LARGE1: variants seen among roughly 807,000 people sequenced by gnomAD.
The protein encoded by LARGE1 is LARGE xylosyl- and glucuronyltransferase 1, also known as xylosyl- and glucuronyltransferase LARGE1.
A neutral mutation model predicts 87.6 loss-of-function variants in LARGE1; 43 were observed. That is an observed-to-expected ratio of 0.49 (90% CI 0.38 to 0.63). The LOEUF (loss-of-function observed/expected upper bound fraction) is 0.63, where lower values mean the gene tolerates loss of function less well. Among genes scored for constraint, LARGE1 ranks in the 30% least tolerant of loss-of-function variants. LARGE1 has a pLI of 0.00. For synonymous variants in LARGE1, 434 were observed against 394.6 expected (o/e 1.10, Z -1.18); for missense variants, 802 against 1,000.2 (o/e 0.80, Z 2.67).
chr22:33,297,979 CAA>C (rs757656914), intron 12 of LARGE1, among the ~76,000 whole-genome samples: 32 of 48,796 alleles, frequency 6.6e-4, no homozygotes, highest in African/African-American at 1.2e-3. Context: ...GACATCATCT[CAA>C]AAAAAAAAAA....
intron 6 of LARGE1, among the ~76,000 whole-genome samples, chr22:33,442,794 CTTTTT>C (rs559941819): frequency 7.1e-6 from 1 of 140,186 alleles, no homozygotes; most frequent in Admixed American, 7.2e-5. Context: ...ATACTGATAG[CTTTTT>C]TTTTTTTTTT....
intron 9 of LARGE1, among the ~76,000 whole-genome samples, chr22:33,358,724 T>C (rs931865455): frequency 1.3e-5 from 2 of 151,800 alleles, no homozygotes; most frequent in Non-Finnish European, 2.9e-5. Flanking sequence ...CCTGGCCGGG[T>C]GCAGTGGCTC....
At chr22:33,679,930 G>A (rs1469185060) in intron 2 of LARGE1, among the ~76,000 whole-genome samples, 1 of 152,188 alleles carries the variant, frequency 6.6e-6, no homozygotes, top group Non-Finnish European at 1.5e-5. Flanking sequence ...GAAGGAGTAT[G>A]GTTTAGCCAA....
At chr22:33,659,758 A>G (rs2081067296) in intron 2 of LARGE1, among the ~76,000 whole-genome samples, 1 of 147,786 alleles carries the variant, frequency 6.8e-6, no homozygotes, top group African/African-American at 2.7e-5. Flanking sequence ...AAAAAAAAAA[A>G]AAAAAGGAGA....
chr22:33,589,877 T>C (rs756604742), intron 5 of LARGE1, among the ~76,000 whole-genome samples: 1 of 152,130 alleles, frequency 6.6e-6, no homozygotes, highest in Non-Finnish European at 1.5e-5. Context: ...AAGTTTGAAT[T>C]TCCCATTTAA....
intron 6 of LARGE1, among the ~76,000 whole-genome samples, chr22:33,557,644 C>A (rs2077731606): frequency 6.6e-6 from 1 of 152,200 alleles, no homozygotes; most frequent in Admixed American, 6.5e-5. Context: ...TGGCTCACTG[C>A]AACCTCTGCC....
intron 1 of LARGE1, among the ~76,000 whole-genome samples, chr22:33,919,191 A>T (rs759221114): frequency 3.9e-5 from 6 of 152,090 alleles, no homozygotes; most frequent in Non-Finnish European, 8.8e-5. Flanking sequence ...GTTCCCTCCG[A>T]AGTGACCCAT....
chr22:33,601,423 A>T (rs1454657987), intron 5 of LARGE1, among the ~76,000 whole-genome samples: 1 of 152,040 alleles, frequency 6.6e-6, no homozygotes, highest in Non-Finnish European at 1.5e-5. Context: ...GCCACTACAG[A>T]GGGGCTGTCA....
In LARGE1 at chr22:33,639,473, G is replaced by C. The variant is rs190419386; in HGVS notation, c.408+10894C>G. ...AGTGGAGAAGTTGAATATTCATAAT[G>C]AGTATATGTGACACTCATGCATAGT... On this transcript the variant is annotated intron_variant, in intron 3 of 14. Transcript: ENST00000397394. 8.3e-4 allele frequency among the ~76,000 whole-genome samples: 127 copies of C among 152,308 alleles called. 1 individual carries two copies. Among genetic ancestry groups the C allele is most frequent in the Non-Finnish European group, 4.6e-4 (31 of 68,036 alleles).
In LARGE1 at chr22:33,778,648, C is replaced by T. The variant is rs146728001; in HGVS notation, c.-82-17090G>A. 7.9e-3 allele frequency among the ~76,000 whole-genome samples: 1,198 copies of T among 152,154 alleles called. 19 individuals are homozygous for T. Among genetic ancestry groups the T allele is most frequent in the African/African-American group, 0.027 (1,132 of 41,530 alleles). The stretch of plus-strand genomic sequence containing the variant: ...TTATCCATGTTGCAGCACATGTCAG[C>T]GCAGTATCCTTTTTTTTTTGGAGAA... On this transcript the variant is annotated intron_variant, in intron 1 of 14. Transcript: ENST00000397394.
chr22:33,776,969 C>T (rs535691421), intron 1 of LARGE1, among the ~76,000 whole-genome samples: 16 of 152,248 alleles, frequency 1.1e-4, no homozygotes, highest in African/African-American at 3.4e-4. Flanking sequence ...TGGGCCCCTG[C>T]TCTTGAGGGG....
intron 1 of LARGE1, among the ~76,000 whole-genome samples, chr22:33,762,073 G>A (rs238861): frequency 0.39 from 58,719 of 151,674 alleles, 11,480 homozygotes; most frequent in East Asian, 0.44. Context: ...AAAATTAGCA[G>A]GGTATGGTGG....
chr22:33,277,314 C>T (rs1320654664), intron 13 of LARGE1, 59 bp from the exon 14 acceptor site: 6 of 1,511,340 alleles, frequency 4.0e-6, no homozygotes, highest in African/African-American at 1.4e-5. Flanking sequence ...TCTCCAAATG[C>T]AGCCGATGTG....
chr22:33,723,891 T>A (rs2083184990), intron 2 of LARGE1: 1 of 152,208 alleles, frequency 6.6e-6, no homozygotes, highest in African/African-American at 2.4e-5. Flanking sequence ...GGAAAGAGAA[T>A]GAAGGAGGCT....
the LARGE1 span, among the ~76,000 whole-genome samples, chr22:33,084,470 A>G: frequency 6.6e-6 from 1 of 151,602 alleles, no homozygotes; most frequent in Admixed American, 6.6e-5. Flanking sequence ...ACCAGCCTGG[A>G]CAACATAGTG....
intron 11 of LARGE1, among the ~76,000 whole-genome samples, chr22:33,310,749 C>T (rs528553511): frequency 3.3e-5 from 5 of 152,182 alleles, no homozygotes; most frequent in Non-Finnish European, 7.3e-5. Context: ...CTTCATAAGC[C>T]TGCAGTGCCG....
chr22:33,520,759 G>C (rs1319479084), intron 6 of LARGE1, among the ~76,000 whole-genome samples: 1 of 152,224 alleles, frequency 6.6e-6, no homozygotes, highest in Non-Finnish European at 1.5e-5. Context: ...ACGAGCTGCT[G>C]TTTTGGGACT....
chr22:33,410,478 G>A (rs1360822085), intron 7 of LARGE1, among the ~76,000 whole-genome samples: 4 of 151,946 alleles, frequency 2.6e-5, no homozygotes, highest in African/African-American at 7.3e-5. Context: ...GAGTTCTCAC[G>A]AGATCTGATG....
At chr22:33,817,809 T>A (rs1207150090) in intron 1 of LARGE1, among the ~76,000 whole-genome samples, 1 of 152,134 alleles carries the variant, frequency 6.6e-6, no homozygotes, top group East Asian at 1.9e-4. Context: ...AGTTATGCCT[T>A]ACAACTTCCC....
Sources: allele counts gnomAD v4.1 joint callset (sites outside exome capture counted in the v4.1 genomes callset), GRCh38; gene constraint gnomAD v4.1.1; transcripts MANE v1.5; gene names NCBI Gene and HGNC (gene_info 2026-07-23, HGNC 2026-07-21).